Variants in GABRA2 observed in about 807,000 individuals in gnomAD.
GABRA2 encodes gamma-aminobutyric acid receptor subunit alpha-2.
A neutral mutation model predicts 48.7 loss-of-function variants in GABRA2; 16 were observed. The ratio of observed to expected loss-of-function variants is 0.33; its 90% CI spans 0.22 to 0.50. The LOEUF is 0.50. Ranked by LOEUF, GABRA2 falls within the 20% of genes least tolerant of loss-of-function variation. The pLI, the probability that GABRA2 is intolerant of heterozygous loss-of-function variation, is 0.98. For synonymous variants in GABRA2, 185 were observed against 184.5 expected (o/e 1.00, Z -0.02); for missense variants, 275 against 535.6 (o/e 0.51, Z 4.80).
intron 4 of GABRA2, among the ~76,000 whole-genome samples, chr4:46,328,295 T>TGTGC (rs1491533991): frequency 1.4e-4 from 20 of 140,184 alleles, no homozygotes; most frequent in African/African-American, 5.0e-4. Context: ...TGTGTGTGTG[T>TGTGC]GCGCACACGC....
intron 8 of GABRA2, among the ~76,000 whole-genome samples, chr4:46,281,744 C>T (rs1721578813): frequency 6.6e-6 from 1 of 152,082 alleles, no homozygotes; most frequent in African/African-American, 2.4e-5. Context: ...CAGCAAATTC[C>T]TTCAAGTAAA....
intron 3 of GABRA2, among the ~76,000 whole-genome samples, chr4:46,378,898 A>G (rs971892278): frequency 6.6e-6 from 1 of 152,054 alleles, no homozygotes; most frequent in African/African-American, 2.4e-5. Context: ...ATTTTGCCTG[A>G]CACTTGCTGT....
At chr4:46,372,451 A>G (rs1280469273) in intron 3 of GABRA2, among the ~76,000 whole-genome samples, 1 of 152,170 alleles carries the variant, frequency 6.6e-6, no homozygotes, top group East Asian at 1.9e-4. Flanking sequence ...TCATGAGGTG[A>G]CAAGCATAAA....
At chr4:46,355,710 C>T (rs1382031091) in intron 3 of GABRA2, among the ~76,000 whole-genome samples, 1 of 152,128 alleles carries the variant, frequency 6.6e-6, no homozygotes, top group Admixed American at 6.6e-5. Context: ...CTAAGCACAA[C>T]CTTATCAGAG....
chr4:46,276,842 C>A (rs577544), intron 8 of GABRA2, among the ~76,000 whole-genome samples: 93,333 of 151,744 alleles, frequency 0.62, 29,180 homozygotes, highest in South Asian at 0.76. Flanking sequence ...TCTGAAGTGT[C>A]TAACAGAGTA....
intron 3 of GABRA2, among the ~76,000 whole-genome samples, chr4:46,375,663 C>T (rs1282951271): frequency 6.6e-6 from 1 of 152,136 alleles, no homozygotes; most frequent in Non-Finnish European, 1.5e-5. Context: ...TCACTCTTCC[C>T]TTTATGACAG....
intron 3 of GABRA2, among the ~76,000 whole-genome samples, chr4:46,373,969 T>C (rs1715316569): frequency 6.6e-6 from 1 of 152,190 alleles, no homozygotes; most frequent in South Asian, 2.1e-4. Context: ...TAAGATGTCC[T>C]CTCTTGTGGT....
chr4:46,280,259 T>C (rs916625404), intron 8 of GABRA2, among the ~76,000 whole-genome samples: 1 of 152,044 alleles, frequency 6.6e-6, no homozygotes, highest in African/African-American at 2.4e-5. Flanking sequence ...ATAGGTCTCT[T>C]TGAGAAGATG....
chr4:46,273,522 T>C (rs1219264606), intron 8 of GABRA2, among the ~76,000 whole-genome samples: 4 of 62,398 alleles, frequency 6.4e-5, no homozygotes, highest in African/African-American at 1.9e-4. Context: ...TATATATATA[T>C]ATATATATAT....
chr4:46,361,886 G>A (rs931120642), intron 3 of GABRA2, among the ~76,000 whole-genome samples: 1 of 152,180 alleles, frequency 6.6e-6, no homozygotes, highest in African/African-American at 2.4e-5. Flanking sequence ...ACTAGATTTT[G>A]GACTTGCATG....
intron 8 of GABRA2, among the ~76,000 whole-genome samples, chr4:46,285,038 A>AAG (rs1328748655): frequency 6.6e-6 from 1 of 151,478 alleles, no homozygotes; most frequent in African/African-American, 2.4e-5. Context: ...AAAAAAAAAA[A>AAG]AAAAAAACCT....
At chr4:46,269,709 CT>C (rs1302467091) in intron 8 of GABRA2, among the ~76,000 whole-genome samples, 1 of 151,378 alleles carries the variant, frequency 6.6e-6, no homozygotes, top group Non-Finnish European at 1.5e-5. Flanking sequence ...TTGTGGCTGA[CT>C]TTTTTTTGTT....
At chr4:46,331,904 G>A (rs1731425938) in intron 4 of GABRA2, among the ~76,000 whole-genome samples, 1 of 151,904 alleles carries the variant, frequency 6.6e-6, no homozygotes, top group Non-Finnish European at 1.5e-5. Context: ...ATATTTTTGG[G>A]TAAACATGGG....
intron 8 of GABRA2, among the ~76,000 whole-genome samples, chr4:46,273,052 C>G (rs1009179991): frequency 2.1e-5 from 2 of 94,942 alleles, no homozygotes; most frequent in Admixed American, 9.5e-5. Flanking sequence ...CCTAGCCCCC[C>G]ACCCCTGACA....
rs1322011887 is a variant in GABRA2, at chr4:46,248,025, T to C, written c.*2283A>G. Among the ~76,000 whole-genome samples the C allele has an allele frequency of 6.6e-6, 1 of 151,344 alleles. No individual in the cohort carries two copies. The highest frequency in any genetic ancestry group is 1.5e-5 in the Non-Finnish European group (1 of 67,552). On this transcript the variant is annotated 3_prime_UTR_variant, in exon 10 of 10. Transcript: ENST00000381620. ...ACAGTGATAAGTTTTCTGGTCAATCTGCCATAAATGCTAATAATACTGGTG... is the reference window on the plus strand; with the variant it reads ...ACAGTGATAAGTTTTCTGGTCAATCCGCCATAAATGCTAATAATACTGGTG...
chr4:46,364,085 G>A (rs544640196), intron 3 of GABRA2: 1 of 152,256 alleles, frequency 6.6e-6, no homozygotes, highest in Admixed American at 6.5e-5. Flanking sequence ...TCTTCATGAA[G>A]TATCTATTCC....
chr4:46,389,327 C>T, intron 1 of GABRA2: 1 of 985,430 alleles, frequency 1.0e-6, no homozygotes, highest in Non-Finnish European at 1.2e-6. Context: ...TTGCCCAAGA[C>T]CAAGTCTTAG....
chr4:46,348,182 C>A (rs1461672093), intron 3 of GABRA2, among the ~76,000 whole-genome samples: 2 of 152,098 alleles, frequency 1.3e-5, no homozygotes, highest in Non-Finnish European at 2.9e-5. Flanking sequence ...AAATGCTCAT[C>A]ATCACTGGCC....
intron 4 of GABRA2, among the ~76,000 whole-genome samples, chr4:46,316,863 T>C (rs938808469): frequency 1.3e-5 from 2 of 151,966 alleles, no homozygotes; most frequent in African/African-American, 2.4e-5. Context: ...CTTTTCTTTC[T>C]CTTGACAATG....
Sources: gnomAD v4.1 joint callset for allele counts (sites outside exome capture counted in the v4.1 genomes callset) on GRCh38, gnomAD v4.1.1 for gene constraint, MANE v1.5 for transcripts, NCBI Gene and HGNC (gene_info 2026-07-23, HGNC 2026-07-21) for gene names.